IPO9: variants seen among roughly 807,000 people sequenced by gnomAD.
IPO9 encodes importin 9.
IPO9 carries 28 observed loss-of-function variants against 128.6 expected under a neutral mutation model. That is an observed-to-expected ratio of 0.22 (90% CI 0.16 to 0.30). The LOEUF is 0.30. IPO9 is among the 10% of genes least tolerant of loss of function. The pLI is 1.00. For missense variants in IPO9, 935 were observed against 1,293.9 expected, an observed-to-expected ratio of 0.72 and a Z score of 4.26; for synonymous variants, 455 against 475.8, an observed-to-expected ratio of 0.96 and a Z score of 0.57.
chr1:201,849,715 G>T (rs965438803), intron 4 of IPO9, among the ~76,000 whole-genome samples: 1 of 152,110 alleles, frequency 6.6e-6, no homozygotes, highest in African/African-American at 2.4e-5. Context: ...CCTCTTCTCA[G>T]ACCCCAGCTG....
At chr1:201,859,185 ATAT>A (rs368074103) in intron 13 of IPO9, among the ~76,000 whole-genome samples, 191 bp downstream of exon 13, 45,806 of 132,678 alleles carry the variant, frequency 0.35, 10,972 homozygotes, top group East Asian at 0.47. Flanking sequence ...AGTATAATAT[ATAT>A]ATATATATAT....
At chr1:201,839,435 C>A (rs1325397795) in intron 1 of IPO9, among the ~76,000 whole-genome samples, 1 of 151,736 alleles carries the variant, frequency 6.6e-6, no homozygotes, top group Non-Finnish European at 1.5e-5. Context: ...CAGGCTGGTG[C>A]CTGTAGTCCC....
rs756649293 is a variant in IPO9 at position 201,863,319 on chromosome 1, T to A, written c.1469-129T>A. On this transcript the variant is annotated intron_variant, in intron 13 of 23. Transcript: ENST00000361565. The stretch of plus-strand genomic sequence containing the variant: ...GTGAGCCGAGATCACGCCATCGCAC[T>A]CCATCCTGGGTGACAGAGTGAGACT... 1.8e-4 allele frequency: 162 copies of A among 910,716 alleles called. 1 individual carries two copies. In the Middle Eastern group the frequency reaches 6.1e-3, roughly 34 times the overall value. 56.4% of individuals were successfully genotyped at this position (910,716 alleles called of 1,614,324 possible).
intron 5 of IPO9, 27 bp from the exon 6 acceptor site, chr1:201,852,984 G>A (rs758388798): frequency 2.8e-5 from 45 of 1,589,106 alleles, no homozygotes; most frequent in Non-Finnish European, 3.8e-5. Flanking sequence ...TCGTGGCTAT[G>A]CTGTTATGCT....
In IPO9 at chr1:201,869,823, T is replaced by C. The variant is rs930908738; in HGVS notation, c.2133+105T>C. ...GTTTTATGCTTTTGAAATACGGAAT[T>C]CTCAACTCCATATTTACTTAGCAGA... On this transcript the variant is annotated intron_variant, in intron 17 of 23. Coordinates refer to ENST00000361565, the MANE Select transcript of IPO9 (RefSeq NM_018085.5). 14 of 1,348,518 alleles carry C rather than the reference T, an allele frequency of 1.0e-5. No homozygotes were observed. The South Asian group carries it at 1.9e-4, about 18-fold the overall frequency. The allele number at this position is 1,348,518 out of a possible 1,614,324, so 83.5% of individuals were successfully genotyped here. A position where few individuals can be genotyped will look rare whatever the true frequency, so the allele number is the denominator to read the frequency against.
chr1:201,848,555 G>T lies in IPO9; in HGVS notation c.475G>T (p.Asp159Tyr). ...GCTCATGGAGATGTTGGTGAGCGGA[G>T]ACTTAAATGCCGTCCATGGAGCCAT... ...NLLMEMLVSG[D>Y]LNAVHGAMRV... The change falls in exon 4 of 24, where the codon GAC (aspartate) becomes TAC (tyrosine). Residue 159 changes from aspartate (D) to tyrosine (Y), a missense_variant. By Grantham distance (160) the Asp-to-Tyr change is radical. This residue lies in a region of IPO9 where 741 missense variants were observed against 1,019.1 expected (regional missense o/e 0.73). Coordinates refer to ENST00000361565, the MANE Select transcript of IPO9 (RefSeq NM_018085.5). 6.2e-7 allele frequency: 1 copy of T among 1,614,066 alleles called. No homozygotes were observed. Among genetic ancestry groups the T allele is most frequent in the Non-Finnish European group, 8.5e-7 (1 of 1,179,972 alleles).
chr1:201,855,916 G>A lies in IPO9; in HGVS notation c.1104G>A (p.Met368Ile). The change falls in exon 10 of 24, where the codon ATG becomes ATA. Residue 368 changes from methionine to isoleucine, a missense_variant. Met to Ile is a conservative substitution (Grantham distance 10, BLOSUM62 1). Around this residue, in one of 3 missense-constraint regions of IPO9, gnomAD observed 741 missense variants for 1,019.1 expected, o/e 0.73. Transcript: ENST00000361565. ...TGATTTATTATATTATCCTGTACAT[G>A]CAAATCACTGAGGAGCAGGTAAATA... ...PELIYYIILYMQITEEQIKVW... is the reference protein window; with the variant it reads ...PELIYYIILYIQITEEQIKVW... The A allele has an allele frequency of 6.3e-7, 1 of 1,591,254 alleles. No homozygotes were observed. Among genetic ancestry groups the A allele is most frequent in the Admixed American group, 1.9e-5 (1 of 52,206 alleles).
chr1:201,877,522 G>A lies in IPO9; in HGVS notation c.*1468G>A, dbSNP rs1158357148. On this transcript the variant is annotated 3_prime_UTR_variant, in exon 24 of 24. Transcript: ENST00000361565. ...ACACACACACACACACAAATCATGGGGAGAAAGATGAAACCTGTGTTCCCC... is the reference window on the plus strand; with the variant it reads ...ACACACACACACACACAAATCATGGAGAGAAAGATGAAACCTGTGTTCCCC... 3 of 150,890 alleles carry A rather than the reference G, an allele frequency of 2.0e-5. No individual in the cohort carries two copies. The highest frequency in any genetic ancestry group is 7.3e-5 in the African/African-American group (3 of 40,934). 9.3% of individuals were successfully genotyped at this position (150,890 alleles called of 1,614,324 possible).
At chr1:201,857,237 C>A in intron 11 of IPO9, 43 bp downstream of exon 11, 3 of 1,288,152 alleles carry the variant, frequency 2.3e-6, no homozygotes, top group South Asian at 2.4e-5. Context: ...TTCTATCAGT[C>A]ACTTGAGCAT....
intron 3 of IPO9, 46 bp downstream of exon 3, chr1:201,847,684 C>A: frequency 7.7e-7 from 1 of 1,300,646 alleles, no homozygotes; most frequent in South Asian, 1.2e-5. Flanking sequence ...TTTGAGGGTC[C>A]ATTTTAAGAG....
chr1:201,869,564 A>G (rs1374724749), intron 16 of IPO9, 26 bp from the exon 17 acceptor site: 3 of 1,613,228 alleles, frequency 1.9e-6, no homozygotes, highest in Non-Finnish European at 2.5e-6. Context: ...GGCAATTCTG[A>G]CTTTTCTTTT....
chr1:201,856,478 A>G (rs746970577), intron 10 of IPO9, among the ~76,000 whole-genome samples: 2 of 152,220 alleles, frequency 1.3e-5, no homozygotes, highest in Admixed American at 6.5e-5. Context: ...TAAATAGTCT[A>G]TCAGACTTAA....
At chr1:201,842,269 C>T (rs940709903) in intron 1 of IPO9, among the ~76,000 whole-genome samples, 6 of 152,068 alleles carry the variant, frequency 3.9e-5, no homozygotes, top group Admixed American at 2.0e-4. Flanking sequence ...ATATTCGAAA[C>T]GATACAAATG....
In IPO9 at chr1:201,858,444, T is replaced by C. The variant is rs769490460; in HGVS notation, c.1222-3T>C. On this transcript the variant is annotated splice_polypyrimidine_tract_variant and splice_region_variant and intron_variant, in intron 11 of 23. Coordinates refer to ENST00000361565, the MANE Select transcript of IPO9 (RefSeq NM_018085.5). ...AGATTTATTAGCTCTTCTCTCTCTA[T>C]AGGCTGTGGCCACAGATTTCCAGAA... 4 of 1,529,938 alleles carry C rather than the reference T, an allele frequency of 2.6e-6. No individual in the cohort carries two copies. 94.8% of individuals were successfully genotyped at this position (1,529,938 alleles called of 1,614,324 possible).
intron 4 of IPO9, 96 bp from the exon 5 acceptor site, chr1:201,852,008 G>A (rs1680226327): frequency 2.9e-6 from 2 of 700,516 alleles, no homozygotes; most frequent in Non-Finnish European, 2.4e-6. Flanking sequence ...CTGTCTGTTT[G>A]GGAACTGCCA....
chr1:201,846,575 A>G (rs540972161), intron 1 of IPO9, among the ~76,000 whole-genome samples: 21 of 152,092 alleles, frequency 1.4e-4, no homozygotes, highest in Admixed American at 1.0e-3. Flanking sequence ...GGTTTTCACC[A>G]TCTTGGCCAG....
intron 14 of IPO9, among the ~76,000 whole-genome samples, chr1:201,865,063 A>T (rs1680524232): frequency 6.6e-6 from 1 of 152,178 alleles, no homozygotes. Context: ...GTGGATCCCG[A>T]TTAAGAACTG....
In IPO9 at chr1:201,880,825, G is replaced by A. The variant is rs1680870121; in HGVS notation, c.*4771G>A. 6.6e-6 allele frequency: 1 copy of A among 152,166 alleles called. No individual in the cohort carries two copies. The highest frequency in any genetic ancestry group is 2.1e-4 in the South Asian group (1 of 4,828). 9.4% of individuals were successfully genotyped at this position (152,166 alleles called of 1,614,324 possible). A position where few individuals can be genotyped will look rare whatever the true frequency, so the allele number is the denominator to read the frequency against. On this transcript the variant is annotated 3_prime_UTR_variant, in exon 24 of 24. Transcript: ENST00000361565. Reference sequence around the variant, plus strand: ...ACATTCGGTAGAAACAGTACTTCAAGTATCCATACAATCAGTACAGTATTC... The same window carrying A: ...ACATTCGGTAGAAACAGTACTTCAAATATCCATACAATCAGTACAGTATTC...
At chr1:201,846,857 T>C (rs1306959460) in intron 1 of IPO9, among the ~76,000 whole-genome samples, 2 of 152,070 alleles carry the variant, frequency 1.3e-5, no homozygotes, top group Non-Finnish European at 2.9e-5. Context: ...TTAGTAGAGA[T>C]GGGGTTTCAC....
Sources: gnomAD v4.1 joint callset for allele counts (sites outside exome capture counted in the v4.1 genomes callset) on GRCh38, gnomAD v4.1.1 for gene constraint, gnomAD v4.1.1 regional missense constraint, MANE v1.5 for transcripts, NCBI Gene and HGNC (gene_info 2026-07-23, HGNC 2026-07-21) for gene names.